Variants in PTPRR observed in about 807,000 individuals in gnomAD.
PTPRR encodes receptor-type tyrosine-protein phosphatase R.
A neutral mutation model predicts 77.2 loss-of-function variants in PTPRR; 38 were observed. That is an observed-to-expected ratio of 0.49 (90% CI 0.38 to 0.65). PTPRR has a LOEUF of 0.65. Ranked by LOEUF, PTPRR falls within the 30% of genes least tolerant of loss-of-function variation. PTPRR has a pLI of 0.00. For missense variants in PTPRR, 744 were observed against 799.2 expected, an observed-to-expected ratio of 0.93 and a Z score of 0.83; for synonymous variants, 299 against 283.1, an observed-to-expected ratio of 1.06 and a Z score of -0.57.
At chr12:70,878,987 C>A (rs1401978962) in intron 2 of PTPRR, among the ~76,000 whole-genome samples, 1 of 152,092 alleles carries the variant, frequency 6.6e-6, no homozygotes, top group African/African-American at 2.4e-5. Flanking sequence ...TCATTCTCAG[C>A]AACCTATTGA....
At chr12:70,796,752 G>A (rs550555883) in intron 2 of PTPRR, among the ~76,000 whole-genome samples, 4 of 152,218 alleles carry the variant, frequency 2.6e-5, no homozygotes, top group African/African-American at 7.2e-5. Flanking sequence ...AACTAAGGCC[G>A]GGCATGGTGG....
intron 6 of PTPRR, among the ~76,000 whole-genome samples, chr12:70,728,973 G>A (rs560247275): frequency 1.3e-5 from 2 of 152,230 alleles, no homozygotes; most frequent in African/African-American, 4.8e-5. Context: ...CAATCCATGA[G>A]TTGTTTCAGT....
At chr12:70,678,975 C>T (rs1887555255) in intron 10 of PTPRR, among the ~76,000 whole-genome samples, 1 of 152,180 alleles carries the variant, frequency 6.6e-6, no homozygotes, top group African/African-American at 2.4e-5. Context: ...AGCCACGCTG[C>T]CCAGCCTGTT....
chr12:70,686,271 G>A (rs1887866510), intron 8 of PTPRR, among the ~76,000 whole-genome samples: 1 of 152,154 alleles, frequency 6.6e-6, no homozygotes, highest in African/African-American at 2.4e-5. Flanking sequence ...GGAAGTACTA[G>A]ACGAAGAAAG....
intron 11 of PTPRR, among the ~76,000 whole-genome samples, chr12:70,661,452 T>A (rs1886797993): frequency 6.6e-6 from 1 of 152,208 alleles, no homozygotes; most frequent in African/African-American, 2.4e-5. Flanking sequence ...TTTTGTTTCC[T>A]GCTCTATGAG....
chr12:70,867,440 C>T (rs1337072312), intron 2 of PTPRR, among the ~76,000 whole-genome samples: 4 of 151,966 alleles, frequency 2.6e-5, no homozygotes, highest in South Asian at 4.2e-4. Flanking sequence ...TTCACAATTG[C>T]TTCAAAGAGA....
intron 2 of PTPRR, among the ~76,000 whole-genome samples, chr12:70,769,760 T>C (rs1281197693): frequency 2.0e-5 from 3 of 151,782 alleles, no homozygotes; most frequent in East Asian, 1.9e-4. Flanking sequence ...CTTCAAACTA[T>C]ACTACAAGGC....
intron 2 of PTPRR, among the ~76,000 whole-genome samples, chr12:70,809,023 C>A (rs1891761088): frequency 6.6e-6 from 1 of 152,156 alleles, no homozygotes; most frequent in Admixed American, 6.5e-5. Flanking sequence ...ATTCTCAAGT[C>A]CCTTCTTTTC....
At chr12:70,886,970 A>T (rs1893250697) in intron 2 of PTPRR, among the ~76,000 whole-genome samples, 1 of 152,258 alleles carries the variant, frequency 6.6e-6, no homozygotes, top group Non-Finnish European at 1.5e-5. Context: ...AAGAAAAATA[A>T]TGTAGGCAGG....
intron 5 of PTPRR, 142 bp downstream of exon 5, chr12:70,754,049 A>C: frequency 1.2e-6 from 1 of 803,220 alleles, no homozygotes; most frequent in South Asian, 1.9e-5. Context: ...CTGATGTCAG[A>C]TATGAAATAT....
chr12:70,740,522 AC>A (rs1439081975), intron 6 of PTPRR, among the ~76,000 whole-genome samples: 6 of 152,016 alleles, frequency 3.9e-5, no homozygotes, highest in Non-Finnish European at 8.8e-5. Flanking sequence ...ACAGGCATGC[AC>A]CACCATGCCT....
chr12:70,640,857 T>C (rs1298450274), intron 13 of PTPRR, among the ~76,000 whole-genome samples: 2 of 152,136 alleles, frequency 1.3e-5, no homozygotes, highest in Non-Finnish European at 2.9e-5. Context: ...CCCAGGAAAA[T>C]TAACATGATG....
At chr12:70,843,319 A>G (rs1892428169) in intron 2 of PTPRR, among the ~76,000 whole-genome samples, 1 of 152,220 alleles carries the variant, frequency 6.6e-6, no homozygotes, top group African/African-American at 2.4e-5. Context: ...ACAGGCTACA[A>G]AAGTCTTTAT....
chr12:70,736,157 A>C (rs1357960586), intron 6 of PTPRR, among the ~76,000 whole-genome samples: 1 of 152,210 alleles, frequency 6.6e-6, no homozygotes, highest in Non-Finnish European at 1.5e-5. Flanking sequence ...CCAGGCCTCC[A>C]GAATGGCAAA....
chr12:70,702,178 G>T (rs917995434), intron 6 of PTPRR, among the ~76,000 whole-genome samples: 3 of 152,024 alleles, frequency 2.0e-5, no homozygotes, highest in Non-Finnish European at 4.4e-5. Flanking sequence ...TTTCCCGCTG[G>T]GGGGCAAGGG....
chr12:70,905,067 T>G (rs956957490), intron 1 of PTPRR, among the ~76,000 whole-genome samples: 3 of 144,682 alleles, frequency 2.1e-5, no homozygotes, highest in Non-Finnish European at 4.5e-5. Flanking sequence ...ATTAGTAGAC[T>G]GAACTCCCCC....
chr12:70,654,737 ATTC>A (rs1886516324), intron 13 of PTPRR, among the ~76,000 whole-genome samples: 2 of 152,196 alleles, frequency 1.3e-5, no homozygotes, highest in Admixed American at 6.5e-5. Flanking sequence ...AGAGCAGAAA[ATTC>A]TTGTTTAATG....
At chr12:70,720,230 C>G (rs1379351667) in intron 6 of PTPRR, among the ~76,000 whole-genome samples, 1 of 152,144 alleles carries the variant, frequency 6.6e-6, no homozygotes, top group Non-Finnish European at 1.5e-5. Flanking sequence ...GGCACATTAC[C>G]TGGGCTCGAA....
At chr12:70,658,883 G>GTTTTTTTTTTTT (rs746595856) in intron 12 of PTPRR, among the ~76,000 whole-genome samples, 20 of 36,940 alleles carry the variant, frequency 5.4e-4, no homozygotes, top group Admixed American at 8.9e-4. Flanking sequence ...TTTTGCTCTA[G>GTTTTTTTTTTTT]TTTTTTTTTT....
Sources: gnomAD v4.1 joint callset for allele counts (sites outside exome capture counted in the v4.1 genomes callset) on GRCh38, gnomAD v4.1.1 for gene constraint, MANE v1.5 for transcripts, NCBI Gene and HGNC (gene_info 2026-07-23, HGNC 2026-07-21) for gene names.